The following TMEM132C variants were observed in gnomAD, a reference collection of about 807,000 sequenced individuals.
The protein encoded by TMEM132C is protein phosphatase 1, regulatory subunit 152.
A neutral mutation model predicts 61.4 loss-of-function variants in TMEM132C; 29 were observed. The ratio of observed to expected loss-of-function variants is 0.47; its 90% CI spans 0.35 to 0.64. The LOEUF is 0.64. TMEM132C is among the 30% of genes least tolerant of loss of function. The pLI, the probability that TMEM132C is intolerant of heterozygous loss-of-function variation, is 0.00. For synonymous variants in TMEM132C, 656 were observed against 633.1 expected, an observed-to-expected ratio of 1.04 and a Z score of -0.54; for missense variants, 1,408 against 1,476.9, an observed-to-expected ratio of 0.95 and a Z score of 0.76.
At chr12:128,476,692 C>G (rs765881050) in intron 2 of TMEM132C, among the ~76,000 whole-genome samples, 11 of 151,008 alleles carry the variant, frequency 7.3e-5, no homozygotes, top group Non-Finnish European at 1.5e-4. Flanking sequence ...CTGCACAGTA[C>G]AAGCAGTCAT....
intron 5 of TMEM132C, among the ~76,000 whole-genome samples, chr12:128,689,192 TAGTA>T (rs1274603385): frequency 6.6e-6 from 1 of 152,166 alleles, no homozygotes; most frequent in Non-Finnish European, 1.5e-5. Context: ...ATTTATGCAG[TAGTA>T]AGTGATATAA....
At chr12:128,468,865 TA>T (rs35744961) in intron 2 of TMEM132C, among the ~76,000 whole-genome samples, 12 of 152,296 alleles carry the variant, frequency 7.9e-5, no homozygotes, top group East Asian at 3.8e-4. Flanking sequence ...AGACAACTTT[TA>T]AAAAAATTAG....
At chr12:128,389,505 C>T (rs1463277885) in intron 1 of TMEM132C, among the ~76,000 whole-genome samples, 1 of 152,174 alleles carries the variant, frequency 6.6e-6, no homozygotes, top group Non-Finnish European at 1.5e-5. Flanking sequence ...TGTTTTCTCC[C>T]ACCAGAACAT....
rs751622276 is a variant in TMEM132C at position 128,592,668 on chromosome 12, G to C, written c.1122-23484G>C. On this transcript the variant is annotated intron_variant, in intron 3 of 8. Coordinates refer to ENST00000435159, the MANE Select transcript of TMEM132C (RefSeq NM_001136103.3). ...ACTTGCTGAGGCTGAGGGATGGCCT[G>C]TCAGAACAGCCACGGAGGGGACACG... Among the ~76,000 whole-genome samples the C allele has an allele frequency of 7.5e-4, 114 of 152,232 alleles. 1 individual carries two copies. The highest frequency in any genetic ancestry group is 1.3e-3 in the Non-Finnish European group (87 of 68,034).
intron 1 of TMEM132C, among the ~76,000 whole-genome samples, chr12:128,290,705 T>C (rs1871219202): frequency 6.6e-6 from 1 of 152,030 alleles, no homozygotes; most frequent in Non-Finnish European, 1.5e-5. Context: ...ATATGCCCTT[T>C]CCAAATAAAC....
intron 2 of TMEM132C, among the ~76,000 whole-genome samples, chr12:128,464,819 A>AGAGAGAAAGAG (rs1870673960): frequency 6.6e-6 from 1 of 151,956 alleles, no homozygotes; most frequent in Non-Finnish European, 1.5e-5. Flanking sequence ...GAAGGAAGAA[A>AGAGAGAAAGAG]ATAAATAGAA....
chr12:128,600,531 G>A (rs907856049), intron 3 of TMEM132C, among the ~76,000 whole-genome samples: 1 of 152,184 alleles, frequency 6.6e-6, no homozygotes, highest in African/African-American at 2.4e-5. Flanking sequence ...AGAATTGGAT[G>A]GCTTTCTCAA....
intron 1 of TMEM132C, among the ~76,000 whole-genome samples, chr12:128,360,269 CA>C (rs1331530104): frequency 5.3e-5 from 8 of 151,736 alleles, no homozygotes; most frequent in Non-Finnish European, 1.0e-4. Context: ...CACACACACA[CA>C]CACACACACA....
intron 2 of TMEM132C, among the ~76,000 whole-genome samples, chr12:128,477,979 A>C (rs1210826183): frequency 1.3e-5 from 2 of 152,342 alleles, no homozygotes; most frequent in East Asian, 1.9e-4. Flanking sequence ...TATCCAGAGA[A>C]GAACATGATG....
chr12:128,360,685 T>A (rs908555189), intron 1 of TMEM132C, among the ~76,000 whole-genome samples: 51 of 152,134 alleles, frequency 3.4e-4, no homozygotes, highest in African/African-American at 1.2e-3. Context: ...GAAAAGTCCA[T>A]CAGACACTCT....
At chr12:128,334,096 C>G (rs1872734218) in intron 1 of TMEM132C, among the ~76,000 whole-genome samples, 1 of 152,100 alleles carries the variant, frequency 6.6e-6, no homozygotes, top group South Asian at 2.1e-4. Flanking sequence ...TCTCAGGAAT[C>G]TCTCCACCTC....
intron 2 of TMEM132C, among the ~76,000 whole-genome samples, chr12:128,468,555 G>A (rs1870822279): frequency 1.3e-5 from 2 of 152,058 alleles, no homozygotes; most frequent in Admixed American, 1.3e-4. Context: ...CCGACCTCAG[G>A]TGATCCGCCC....
rs574856249 is a variant in TMEM132C at position 128,354,299 on chromosome 12, A to G, written c.86-60433A>G. On this transcript the variant is annotated intron_variant, in intron 1 of 8. Transcript: ENST00000435159. ...CCGGCCACTCAGTGGAGGGAGGGGC[A>G]TTAGATAGGGTGAAGTCTCCCTCCC... 8.2e-4 allele frequency among the ~76,000 whole-genome samples: 125 copies of G among 152,140 alleles called. 1 individual carries two copies. Among genetic ancestry groups the G allele is most frequent in the Non-Finnish European group, 1.4e-3 (92 of 67,990 alleles).
chr12:128,324,652 A>G (rs1872446582), intron 1 of TMEM132C, among the ~76,000 whole-genome samples: 2 of 152,084 alleles, frequency 1.3e-5, no homozygotes, highest in Non-Finnish European at 2.9e-5. Flanking sequence ...CTGAGCTCAG[A>G]AGCTCAAGAC....
intron 2 of TMEM132C, among the ~76,000 whole-genome samples, chr12:128,519,781 T>A (rs1324711467): frequency 6.6e-6 from 1 of 152,124 alleles, no homozygotes; most frequent in Non-Finnish European, 1.5e-5. Context: ...CAAGGAAGAA[T>A]GAGGGGTTGG....
intron 1 of TMEM132C, among the ~76,000 whole-genome samples, chr12:128,306,409 A>G (rs1166102052): frequency 1.3e-5 from 2 of 151,968 alleles, no homozygotes; most frequent in South Asian, 2.1e-4. Flanking sequence ...TCATCGTGTT[A>G]GCCAGGATGG....
chr12:128,547,980 G>A (rs1328942426), intron 3 of TMEM132C, among the ~76,000 whole-genome samples: 1 of 152,032 alleles, frequency 6.6e-6, no homozygotes, highest in African/African-American at 2.4e-5. Flanking sequence ...GCTCACCCCT[G>A]TTGATCCCCC....
intron 2 of TMEM132C, among the ~76,000 whole-genome samples, chr12:128,493,121 T>G (rs1432510244): frequency 5.9e-5 from 9 of 152,116 alleles, no homozygotes; most frequent in South Asian, 2.1e-4. Flanking sequence ...TTTCCCCATT[T>G]CTTGTTTTTG....
chr12:128,578,382 G>A (rs537403515), intron 3 of TMEM132C, among the ~76,000 whole-genome samples: 12 of 152,064 alleles, frequency 7.9e-5, no homozygotes, highest in African/African-American at 2.4e-4. Context: ...CCTCACCTCC[G>A]TCTGAGCTCC....
Sources: allele counts gnomAD v4.1 joint callset (sites outside exome capture counted in the v4.1 genomes callset), GRCh38; gene constraint gnomAD v4.1.1; transcripts MANE v1.5; gene names NCBI Gene and HGNC (gene_info 2026-07-23, HGNC 2026-07-21).